The following PRUNE2 variants were observed in gnomAD, a reference collection of about 807,000 sequenced individuals.
The protein encoded by PRUNE2 is protein prune homolog 2.
PRUNE2 carries 164 observed loss-of-function variants against 252.0 expected under a neutral mutation model. The observed-to-expected ratio is 0.65, with a 90% CI of 0.57 to 0.74. PRUNE2 has a LOEUF of 0.74. Ranked by LOEUF, PRUNE2 falls within the 30% of genes least tolerant of loss-of-function variation. PRUNE2 has a pLI of 0.00. For synonymous variants in PRUNE2, 1,292 were observed against 1,350.2 expected, an observed-to-expected ratio of 0.96 and a Z score of 0.94; for missense variants, 3,495 against 3,711.0, an observed-to-expected ratio of 0.94 and a Z score of 1.51.
rs1840579223 is a variant in PRUNE2 at position 76,637,288 on chromosome 9, A to T, written c.8963+130T>A. ...ATACATGCTTAATAGCAACTTAGAC[A>T]ATTTATTTGATCTTATTGAGACTTG... On this transcript the variant is annotated intron_variant, in intron 14 of 18. Coordinates refer to ENST00000376718, the MANE Select transcript of PRUNE2 (RefSeq NM_015225.3). The T allele has an allele frequency of 1.1e-5, 10 of 900,222 alleles. No homozygotes were observed. In the South Asian group the frequency reaches 1.5e-4, roughly 13 times the overall value. The allele number at this position is 900,222 out of a possible 1,614,324, so 55.8% of individuals were successfully genotyped here.
intron 1 of PRUNE2, among the ~76,000 whole-genome samples, chr9:76,905,521 G>A (rs1005524575): frequency 2.0e-5 from 3 of 152,198 alleles, no homozygotes; most frequent in Admixed American, 2.0e-4. Context: ...ACCTCCAGCT[G>A]AAGTACAGTT....
chr9:76,748,971 G>C (rs767134614), intron 6 of PRUNE2, among the ~76,000 whole-genome samples: 11 of 152,104 alleles, frequency 7.2e-5, no homozygotes, highest in Admixed American at 2.6e-4. Flanking sequence ...ACCCACTCCC[G>C]ACCTCCGTAA....
At position 76,684,654 on chromosome 9, in the gene PRUNE2, C is replaced by A. The variant is rs149973693; in HGVS notation, c.8276+18683G>T. Among the ~76,000 whole-genome samples, 119 of 152,312 alleles carry A rather than the reference C, an allele frequency of 7.8e-4. No homozygotes were observed. In the East Asian group the frequency reaches 0.013, roughly 16 times the overall value. Reference sequence around the variant, plus strand: ...ATACTCATTGTCCCACAAGAAATTTCTCCTTAGCCTTTCACACCAGTTTAA... The same window carrying A: ...ATACTCATTGTCCCACAAGAAATTTATCCTTAGCCTTTCACACCAGTTTAA... On this transcript the variant is annotated intron_variant, in intron 9 of 18. Coordinates refer to ENST00000376718, the MANE Select transcript of PRUNE2 (RefSeq NM_015225.3).
chr9:76,632,117 G>A (rs1289856308), intron 15 of PRUNE2, among the ~76,000 whole-genome samples: 1 of 152,198 alleles, frequency 6.6e-6, no homozygotes, highest in Non-Finnish European at 1.5e-5. Context: ...ACATGTGCAT[G>A]TGTCTTTACG....
In PRUNE2 at chr9:76,707,414, T is replaced by C. The variant is rs1479503680; in HGVS notation, c.4860A>G (p.Thr1620=). ...CTGAGTCATTCCAGATCTCTAAAAA[T>C]GTAGGAGTTTTGCGATCAAAGCTCT... ...FEKSFDRKTP[T]FLEIWNDSVD... The change falls in exon 8 of 19, where the codon ACA becomes ACG. Residue 1620 remains threonine, a synonymous_variant. Transcript: ENST00000376718. 1 of 1,613,972 alleles carries C rather than the reference T, an allele frequency of 6.2e-7. No homozygotes were observed. Among genetic ancestry groups the C allele is most frequent in the Non-Finnish European group, 8.5e-7 (1 of 1,179,840 alleles).
intron 9 of PRUNE2, among the ~76,000 whole-genome samples, chr9:76,677,156 T>C (rs2042736691): frequency 6.6e-6 from 1 of 152,272 alleles, no homozygotes; most frequent in South Asian, 2.1e-4. Flanking sequence ...ATCTGCAGTC[T>C]GTTTTCCAAT....
At chr9:76,661,717 A>G (rs1851511001) in intron 9 of PRUNE2, among the ~76,000 whole-genome samples, 1 of 152,270 alleles carries the variant, frequency 6.6e-6, no homozygotes, top group South Asian at 2.1e-4. Context: ...TTGAAAATAC[A>G]TTATAAGGCA....
intron 1 of PRUNE2, among the ~76,000 whole-genome samples, chr9:76,873,231 A>G (rs992278418): frequency 6.6e-6 from 1 of 152,202 alleles, no homozygotes; most frequent in African/African-American, 2.4e-5. Flanking sequence ...GTGGTTTGTT[A>G]TATCAGCCCT....
intron 6 of PRUNE2, among the ~76,000 whole-genome samples, chr9:76,770,895 G>A (rs1314752180): frequency 1.3e-5 from 2 of 152,042 alleles, no homozygotes; most frequent in Non-Finnish European, 2.9e-5. Context: ...GTAAATTTGT[G>A]AAGGAAGATA....
chr9:76,902,559 G>A (rs897786506), intron 1 of PRUNE2, among the ~76,000 whole-genome samples: 14 of 152,178 alleles, frequency 9.2e-5, no homozygotes, highest in Non-Finnish European at 1.5e-4. Flanking sequence ...AGCTTGCGGG[G>A]CTTGCTCTCA....
At chr9:76,829,698 T>G (rs1453187215) in intron 4 of PRUNE2, among the ~76,000 whole-genome samples, 2 of 151,938 alleles carry the variant, frequency 1.3e-5, no homozygotes, top group Admixed American at 1.3e-4. Flanking sequence ...TCAGTCTTCC[T>G]GAGGACCGAA....
intron 1 of PRUNE2, among the ~76,000 whole-genome samples, chr9:76,898,513 T>A (rs1189445830): frequency 1.3e-5 from 2 of 152,202 alleles, no homozygotes; most frequent in Non-Finnish European, 2.9e-5. Context: ...TAGGCCAGAC[T>A]GGTCACCAAT....
chr9:76,823,769 G>T, intron 5 of PRUNE2, 43 bp from the exon 6 acceptor site: 1 of 1,256,482 alleles, frequency 8.0e-7, no homozygotes, highest in Non-Finnish European at 1.1e-6. Flanking sequence ...ATACTTGAGG[G>T]ATTTTTTTTT....
chr9:76,820,524 G>T (rs1343394), intron 6 of PRUNE2, among the ~76,000 whole-genome samples: 51,303 of 151,912 alleles, frequency 0.34, 8,763 homozygotes, highest in Middle Eastern at 0.42. Flanking sequence ...AATTAACTGG[G>T]TCATCAGCCG....
In PRUNE2 at chr9:76,755,790, T is replaced by C. The variant is rs139847755; in HGVS notation, c.757-42069A>G. Among the ~76,000 whole-genome samples, 1,375 of 152,228 alleles carry C rather than the reference T, an allele frequency of 9.0e-3. 12 individuals are homozygous for C. The highest frequency in any genetic ancestry group is 0.011 in the Non-Finnish European group (774 of 68,020). ...CAATCTCGGCTCACTGCAGGTCGAC[T>C]TCCCTAGTTCAAACGATTGTCTCGC... On this transcript the variant is annotated intron_variant, in intron 6 of 18. Coordinates refer to ENST00000376718, the MANE Select transcript of PRUNE2 (RefSeq NM_015225.3).
chr9:76,621,019 A>G (rs1832057008), intron 17 of PRUNE2, among the ~76,000 whole-genome samples: 2 of 152,168 alleles, frequency 1.3e-5, no homozygotes, highest in African/African-American at 4.8e-5. Context: ...TGAGGAAATC[A>G]CCTTCTGAAG....
chr9:76,618,147 T>C (rs1830544778), intron 18 of PRUNE2, among the ~76,000 whole-genome samples: 2 of 152,322 alleles, frequency 1.3e-5, no homozygotes, highest in Non-Finnish European at 2.9e-5. Context: ...TAAATTTTCC[T>C]TGCAGAGCAG....
chr9:76,892,721 C>T (rs2062559735), intron 1 of PRUNE2, among the ~76,000 whole-genome samples: 1 of 152,206 alleles, frequency 6.6e-6, no homozygotes, highest in Non-Finnish European at 1.5e-5. Flanking sequence ...ACTTGCCAAA[C>T]TATCACGAAA....
intron 6 of PRUNE2, among the ~76,000 whole-genome samples, chr9:76,774,453 T>TATTTATTTATTTATTTATTTATTTA (rs370472844): frequency 8.3e-4 from 101 of 122,298 alleles, no homozygotes; most frequent in African/African-American, 2.9e-3. Context: ...TTCAACCCTT[T>TATTTATTTATTTATTTATTTATTTA]TTTTTTTTTT....
Sources: allele counts gnomAD v4.1 joint callset (sites outside exome capture counted in the v4.1 genomes callset), GRCh38; gene constraint gnomAD v4.1.1; transcripts MANE v1.5; gene names NCBI Gene and HGNC (gene_info 2026-07-23, HGNC 2026-07-21).